CCNB3: variants seen among roughly 807,000 people sequenced by gnomAD.
CCNB3 encodes the protein G2/mitotic-specific cyclin-B3.
A neutral mutation model predicts 68.0 loss-of-function variants in CCNB3; 12 were observed. The observed-to-expected ratio is 0.18, with a 90% CI of 0.11 to 0.29. The LOEUF is 0.29. CCNB3 is among the 10% of genes least tolerant of loss of function. The pLI, the probability that CCNB3 is intolerant of heterozygous loss-of-function variation, is 1.00. For synonymous variants in CCNB3, 354 were observed against 388.9 expected, an observed-to-expected ratio of 0.91 and a Z score of 1.06; for missense variants, 904 against 993.1, an observed-to-expected ratio of 0.91 and a Z score of 1.21.
At chrX:50,210,514 C>G (rs1214531552) in intron 1 of CCNB3, among the ~76,000 whole-genome samples, 5 of 111,921 alleles carry the variant, frequency 4.5e-5, no homozygotes, top group African/African-American at 1.3e-4. Flanking sequence ...CCTCTCATGA[C>G]TAAAAACTTA....
intron 1 of CCNB3, among the ~76,000 whole-genome samples, chrX:50,228,120 A>G (rs1174454213): frequency 1.1e-5 from 1 of 90,609 alleles, no homozygotes; most frequent in Non-Finnish European, 2.1e-5. Flanking sequence ...TATATAAATA[A>G]TATATGAATA....
chrX:50,227,005 A>G (rs1198512139), intron 1 of CCNB3, among the ~76,000 whole-genome samples: 2 of 77,698 alleles, frequency 2.6e-5, no homozygotes, highest in Admixed American at 1.9e-4. Context: ...ATAAATATAT[A>G]GAAAATATAT....
At chrX:50,341,317 G>A (rs868987878) in intron 8 of CCNB3, among the ~76,000 whole-genome samples, 136 of 100,383 alleles carry the variant, frequency 1.4e-3, no homozygotes, top group African/African-American at 4.3e-3. Flanking sequence ...GAGACAGAGC[G>A]AAACTCCGTC....
intron 8 of CCNB3, among the ~76,000 whole-genome samples, chrX:50,340,880 T>G (rs1399882698): frequency 9.0e-6 from 1 of 111,355 alleles, no homozygotes; most frequent in Non-Finnish European, 1.9e-5. Context: ...ACATGGACAT[T>G]AAACAACGTG....
At chrX:50,286,817 T>G (rs1297275811) in intron 3 of CCNB3, among the ~76,000 whole-genome samples, 1 of 111,384 alleles carries the variant, frequency 9.0e-6, no homozygotes, top group African/African-American at 3.3e-5. Context: ...GCCCAGCTAA[T>G]TTTTGTATTT....
At chrX:50,287,902 G>A (rs1936269181) in intron 3 of CCNB3, among the ~76,000 whole-genome samples, 1 of 110,059 alleles carries the variant, frequency 9.1e-6, no homozygotes, top group South Asian at 3.9e-4. Flanking sequence ...ATTACTTCCT[G>A]AGCTCCACCT....
intron 5 of CCNB3, among the ~76,000 whole-genome samples, chrX:50,303,931 C>T (rs782001698): frequency 8.9e-6 from 1 of 111,772 alleles, no homozygotes; most frequent in Admixed American, 9.5e-5. Flanking sequence ...AAAATTTACA[C>T]CTGTTTTCTT....
At chrX:50,227,793 A>T (rs1266310671) in intron 1 of CCNB3, among the ~76,000 whole-genome samples, 2 of 85,664 alleles carry the variant, frequency 2.3e-5, no homozygotes, top group Admixed American at 1.6e-4. Flanking sequence ...ATATAAATAT[A>T]TATAGAGAAT....
chrX:50,326,309 G>A (rs1335233376), intron 8 of CCNB3, among the ~76,000 whole-genome samples: 1 of 111,412 alleles, frequency 9.0e-6, no homozygotes, highest in African/African-American at 3.3e-5. Flanking sequence ...CTTCCCTATG[G>A]ATAATTATTT....
At chrX:50,288,716 C>A in intron 3 of CCNB3, 64 bp from the exon 4 acceptor site, 1 of 843,385 alleles carries the variant, frequency 1.2e-6, no homozygotes. Context: ...CTAAAGAGGA[C>A]CCAAAGTCCC....
chrX:50,331,307 G>A (rs1210181491), intron 8 of CCNB3, among the ~76,000 whole-genome samples: 3 of 110,933 alleles, frequency 2.7e-5, no homozygotes, highest in African/African-American at 9.9e-5. Context: ...TCCAGTCCCG[G>A]TGGGACTCCA....
At chrX:50,324,301 C>A (rs1557217004) in intron 8 of CCNB3, among the ~76,000 whole-genome samples, 1 of 112,132 alleles carries the variant, frequency 8.9e-6, no homozygotes, top group East Asian at 2.8e-4. Context: ...CCCTCTTCGA[C>A]CTCCCAAAGT....
At chrX:50,288,293 T>C (rs1393064112) in intron 3 of CCNB3, among the ~76,000 whole-genome samples, 2 of 110,108 alleles carry the variant, frequency 1.8e-5, no homozygotes, top group Non-Finnish European at 3.8e-5. Flanking sequence ...CTGCTTAACA[T>C]AAGAGACCCT....
In CCNB3 at chrX:50,310,928, C is replaced by A. The variant is rs1557214764; in HGVS notation, c.2759C>A (p.Thr920Asn). The A allele has an allele frequency of 1.7e-6, 2 of 1,212,087 alleles. No individual in the cohort carries two copies. The highest frequency in any genetic ancestry group is 3.0e-5 in the East Asian group (1 of 33,845). Residue 920 changes from threonine (T) to asparagine (N), a missense_variant, in exon 6 of 13, where the codon ACC becomes AAC. Transcript: ENST00000376042. ...AAGCCATTAGCCTTGAAGATGTCTACCATCAATGAGGCAGTCCTCTTCGAA... is the reference window on the plus strand; with the variant it reads ...AAGCCATTAGCCTTGAAGATGTCTAACATCAATGAGGCAGTCCTCTTCGAA... ...LKKPLALKMS[T>N]INEAVLFEDM...
intron 1 of CCNB3, among the ~76,000 whole-genome samples, chrX:50,279,803 A>G (rs1366880818): frequency 0.022 from 1,929 of 87,867 alleles, 55 homozygotes; most frequent in African/African-American, 0.08. Flanking sequence ...TATACTATAT[A>G]TAGAATATAT....
rs142579882 is a variant in CCNB3, at chrX:50,284,688, T to C, written c.-38+72T>C. ...AGGACCCCATGCCTTTTAAGAACAT[T>C]GGCTCTACCAGCTTGCCTCCATACT... On this transcript the variant is annotated intron_variant, in intron 2 of 12. Transcript: ENST00000376042. 4.6e-3 allele frequency: 575 copies of C among 125,293 alleles called. 1 individual carries two copies. The highest frequency in any genetic ancestry group is 0.017 in the Middle Eastern group (4 of 237). The allele number at this position is 125,293 out of a possible 1,213,427, so 10.3% of individuals were successfully genotyped here.
rs1921204605 is a variant in CCNB3, at chrX:50,308,502, C to G, written c.336-3C>G. The G allele has an allele frequency of 8.7e-7, 1 of 1,150,297 alleles. No homozygotes were observed. The highest frequency in any genetic ancestry group is 1.2e-6 in the Non-Finnish European group (1 of 849,986). 94.8% of individuals were successfully genotyped at this position (1,150,297 alleles called of 1,213,427 possible). A position where few individuals can be genotyped will look rare whatever the true frequency, so the allele number is the denominator to read the frequency against. ...TCTTACCCAGACATTGTTTCCTTCA[C>G]AGGCATAAGCTGGAAGTCACACCAG... is the stretch of plus-strand genomic sequence containing the variant. On this transcript the variant is annotated splice_polypyrimidine_tract_variant and splice_region_variant and intron_variant, in intron 5 of 12. Coordinates refer to ENST00000376042, the MANE Select transcript of CCNB3 (RefSeq NM_033031.3).
chrX:50,226,975 A>G (rs1367639492), intron 1 of CCNB3, among the ~76,000 whole-genome samples: 768 of 75,512 alleles, frequency 0.01, 27 homozygotes, highest in African/African-American at 0.042. Context: ...TAGAATATAT[A>G]TAGTATATAT....
chrX:50,214,792 A>C (rs987336548), intron 1 of CCNB3, among the ~76,000 whole-genome samples: 61 of 105,333 alleles, frequency 5.8e-4, no homozygotes, highest in African/African-American at 2.1e-3. Flanking sequence ...TCCTGGCCTC[A>C]GGTTATTGTC....
Sources: gnomAD v4.1 joint callset for allele counts (sites outside exome capture counted in the v4.1 genomes callset) on GRCh38, gnomAD v4.1.1 for gene constraint, MANE v1.5 for transcripts, NCBI Gene and HGNC (gene_info 2026-07-23, HGNC 2026-07-21) for gene names.